Variants in UHRF1 observed in about 807,000 individuals in gnomAD.
UHRF1 encodes the protein ubiquitin like with PHD and ring finger domains 1, also known as E3 ubiquitin-protein ligase UHRF1.
In UHRF1, 9 loss-of-function variants were observed where a neutral mutation model predicts 96.5. The ratio of observed to expected loss-of-function variants is 0.09; its 90% CI spans 0.06 to 0.16. UHRF1 has a LOEUF of 0.16. Ranked by LOEUF, UHRF1 falls within the 10% of genes least tolerant of loss-of-function variation. The pLI is 1.00. For missense variants in UHRF1, 626 were observed against 1,131.1 expected (o/e 0.55, Z 6.40); for synonymous variants, 455 against 469.9 (o/e 0.97, Z 0.41).
intron 2 of UHRF1, among the ~76,000 whole-genome samples, chr19:4,915,986 G>A (rs2032483851): frequency 6.6e-6 from 1 of 152,166 alleles, no homozygotes; most frequent in Non-Finnish European, 1.5e-5. Flanking sequence ...GCCTGTGTCT[G>A]TGTGGATTAT....
chr19:4,948,967 CAAAA>C (rs55757803), intron 11 of UHRF1, among the ~76,000 whole-genome samples: 2 of 51,196 alleles, frequency 3.9e-5, no homozygotes, highest in African/African-American at 1.4e-4. Flanking sequence ...ACTAAGAATA[CAAAA>C]AAAAAAAAAA....
chr19:4,906,478 T>C (rs369175668), upstream of UHRF1, among the ~76,000 whole-genome samples: 3 of 152,090 alleles, frequency 2.0e-5, no homozygotes, highest in African/African-American at 7.2e-5. Flanking sequence ...GCCCAGCCAA[T>C]CACAGTGGCT....
At chr19:4,939,630 G>A (rs2033322978) in intron 5 of UHRF1, among the ~76,000 whole-genome samples, 1 of 152,146 alleles carries the variant, frequency 6.6e-6, no homozygotes, top group Admixed American at 6.6e-5. Context: ...CTACCTGTGA[G>A]CTGGTAGGTC....
chr19:4,929,233 C>T lies in UHRF1; in HGVS notation c.165C>T (p.Gly55=). The change falls in exon 3 of 17, where the codon GGC becomes GGT. Residue 55 remains glycine, a synonymous_variant. Transcript: ENST00000650932. ...LFYRGKQMED[G]HTLFDYEVRL... ...TGGTGTCCCTGCAGATGGAGGACGGCCATACCCTCTTCGACTACGAGGTCC... is the reference window on the plus strand; with the variant it reads ...TGGTGTCCCTGCAGATGGAGGACGGTCATACCCTCTTCGACTACGAGGTCC... 6.2e-7 allele frequency: 1 copy of T among 1,613,524 alleles called. No individual in the cohort carries two copies. Among genetic ancestry groups the T allele is most frequent in the Non-Finnish European group, 8.5e-7 (1 of 1,179,660 alleles).
chr19:4,909,172 G>C (rs888197070), upstream of UHRF1: 7 of 376,068 alleles, frequency 1.9e-5, no homozygotes, highest in South Asian at 2.9e-4. Context: ...GCGTGCGAGT[G>C]GGGGGCTGCG....
At chr19:4,924,203 G>A (rs1047901033) in intron 2 of UHRF1, among the ~76,000 whole-genome samples, 1 of 152,040 alleles carries the variant, frequency 6.6e-6, no homozygotes, top group Non-Finnish European at 1.5e-5. Context: ...AGGCTGCAGT[G>A]CAGTGGCGTG....
At chr19:4,905,306 A>G (rs2032044369), upstream of UHRF1, among the ~76,000 whole-genome samples, 1 of 149,250 alleles carries the variant, frequency 6.7e-6, no homozygotes, top group South Asian at 2.1e-4. Context: ...TTTTTAGTAG[A>G]GATGGGGTTT....
intron 10 of UHRF1, among the ~76,000 whole-genome samples, 166 bp from the exon 11 acceptor site, chr19:4,946,939 C>T (rs1247589010): frequency 6.6e-6 from 1 of 152,070 alleles, no homozygotes. Context: ...ATTCTGTAGT[C>T]CCACCAACAG....
rs1314728817 is a variant in UHRF1, at chr19:4,935,315, G to A, written c.785+2359G>A. 3.3e-5 allele frequency among the ~76,000 whole-genome samples: 5 copies of A among 152,166 alleles called. No homozygotes were observed. In the East Asian group the frequency reaches 9.6e-4, roughly 29 times the overall value. On this transcript the variant is annotated intron_variant, in intron 5 of 16. Transcript: ENST00000650932. ...TTCCCCTGCACACACTCCCTTGCCT[G>A]CCGCTGTGTAAGATGTGCCTGTGCT...
At chr19:4,929,531 G>A in intron 3 of UHRF1, 55 bp downstream of exon 3, 1 of 1,571,628 alleles carries the variant, frequency 6.4e-7, no homozygotes, top group Non-Finnish European at 8.6e-7. Context: ...TGCCATTCTG[G>A]TCTTTGCATA....
chr19:4,915,436 G>C (rs557738116), intron 2 of UHRF1, among the ~76,000 whole-genome samples: 7 of 152,308 alleles, frequency 4.6e-5, no homozygotes, highest in Admixed American at 1.3e-4. Flanking sequence ...AGGTATGGCG[G>C]GGCCCAGTGG....
At chr19:4,953,040 A>G (rs574309629) in intron 13 of UHRF1, among the ~76,000 whole-genome samples, 2 of 152,226 alleles carry the variant, frequency 1.3e-5, no homozygotes, top group East Asian at 1.9e-4. Context: ...CGTAAAGACA[A>G]CGAGATCTTA....
intron 15 of UHRF1, among the ~76,000 whole-genome samples, chr19:4,955,329 A>G (rs772638535): frequency 1.3e-5 from 2 of 152,040 alleles, no homozygotes; most frequent in African/African-American, 2.4e-5. Context: ...GAGGCACTGT[A>G]TCCCTCGGCT....
intron 2 of UHRF1, among the ~76,000 whole-genome samples, chr19:4,919,751 T>G (rs1180757384): frequency 6.6e-6 from 1 of 152,176 alleles, no homozygotes; most frequent in Non-Finnish European, 1.5e-5. Flanking sequence ...TTCACTAGGT[T>G]CAATGATAGG....
intron 13 of UHRF1, among the ~76,000 whole-genome samples, chr19:4,953,114 C>T (rs150511546): frequency 6.6e-6 from 1 of 152,272 alleles, no homozygotes; most frequent in East Asian, 1.9e-4. Context: ...CTTACCCCGA[C>T]CCTGCCAGGT....
chr19:4,918,708 C>T (rs2032604778), intron 2 of UHRF1, among the ~76,000 whole-genome samples: 2 of 150,330 alleles, frequency 1.3e-5, no homozygotes, highest in Non-Finnish European at 3.0e-5. Context: ...GCTACTGTGC[C>T]CAGCTGGTTT....
intron 5 of UHRF1, among the ~76,000 whole-genome samples, chr19:4,936,212 C>T (rs897954207): frequency 9.2e-5 from 14 of 152,172 alleles, no homozygotes; most frequent in African/African-American, 3.1e-4. Context: ...GAGAGGGTCA[C>T]GCTGAGCCGA....
chr19:4,927,468 A>C (rs1393447316), intron 2 of UHRF1, among the ~76,000 whole-genome samples: 2 of 152,152 alleles, frequency 1.3e-5, no homozygotes, highest in Non-Finnish European at 1.5e-5. Context: ...ACAAAGAAAG[A>C]AAGCCTGCAG....
chr19:4,913,210 C>A (rs907270603), intron 2 of UHRF1, among the ~76,000 whole-genome samples: 2 of 147,760 alleles, frequency 1.4e-5, no homozygotes, highest in African/African-American at 5.0e-5. Flanking sequence ...TTTAGTGTGA[C>A]AATGACAGGA....
Sources: allele counts gnomAD v4.1 joint callset (sites outside exome capture counted in the v4.1 genomes callset), GRCh38; gene constraint gnomAD v4.1.1; transcripts MANE v1.5; gene names NCBI Gene and HGNC (gene_info 2026-07-23, HGNC 2026-07-21).